The following AGBL1 variants were observed in gnomAD, a reference collection of about 807,000 sequenced individuals.
AGBL1 encodes the protein cytosolic carboxypeptidase 4.
A neutral mutation model predicts 118.9 loss-of-function variants in AGBL1; 130 were observed. That is an observed-to-expected ratio of 1.09 (90% CI 0.95 to 1.26). The LOEUF (loss-of-function observed/expected upper bound fraction) is 1.26. AGBL1 is among the 50% of genes most tolerant of loss of function. AGBL1 has a pLI of 0.00. For missense variants in AGBL1, 1,584 were observed against 1,298.1 expected (o/e 1.22, Z -3.38); for synonymous variants, 555 against 478.9 (o/e 1.16, Z -2.08).
intron 5 of AGBL1, among the ~76,000 whole-genome samples, chr15:86,162,397 C>G (rs2077279416): frequency 6.6e-6 from 1 of 152,182 alleles, no homozygotes; most frequent in African/African-American, 2.4e-5. Context: ...AGATGTGCAG[C>G]TGTCCTCCAA....
intron 18 of AGBL1, among the ~76,000 whole-genome samples, chr15:86,516,027 T>C (rs565491999): frequency 2.6e-4 from 39 of 152,240 alleles, no homozygotes; most frequent in Admixed American, 7.2e-4. Flanking sequence ...AGGTCATAGG[T>C]AGATAAGAGA....
intron 23 of AGBL1, among the ~76,000 whole-genome samples, chr15:86,984,456 G>A (rs778018939): frequency 3.3e-5 from 5 of 150,164 alleles, no homozygotes; most frequent in Middle Eastern, 3.5e-3. Flanking sequence ...CCTCCGCCCC[G>A]CTGGGTTCGA....
intron 17 of AGBL1, among the ~76,000 whole-genome samples, chr15:86,353,556 C>A (rs1380258469): frequency 6.6e-6 from 1 of 152,092 alleles, no homozygotes; most frequent in Admixed American, 6.5e-5. Flanking sequence ...AATTTCTTCA[C>A]ATTTAGAAAG....
intron 18 of AGBL1, among the ~76,000 whole-genome samples, chr15:86,427,179 T>C (rs2081877232): frequency 6.6e-6 from 1 of 152,202 alleles, no homozygotes; most frequent in African/African-American, 2.4e-5. Context: ...GGGTAGACAC[T>C]GCATAAAAGT....
chr15:86,116,462 G>A (rs1348629108), intron 1 of AGBL1: 1 of 152,260 alleles, frequency 6.6e-6, no homozygotes, highest in African/African-American at 2.4e-5. Flanking sequence ...TTCTGGGAGA[G>A]ATGAGCATTG....
At chr15:86,777,283 G>A (rs540269701) in intron 22 of AGBL1, among the ~76,000 whole-genome samples, 55 of 151,624 alleles carry the variant, frequency 3.6e-4, no homozygotes, top group Non-Finnish European at 5.9e-4. Flanking sequence ...TTGACATTTC[G>A]TTAATATTTA....
At chr15:86,483,859 C>T (rs2082682391) in intron 18 of AGBL1, among the ~76,000 whole-genome samples, 1 of 152,068 alleles carries the variant, frequency 6.6e-6, no homozygotes, top group South Asian at 2.1e-4. Flanking sequence ...TAAATGAATC[C>T]CAGCTCATCT....
chr15:86,871,329 C>T (rs1160928941), intron 22 of AGBL1, among the ~76,000 whole-genome samples: 4 of 152,146 alleles, frequency 2.6e-5, no homozygotes, highest in African/African-American at 9.7e-5. Context: ...ACCTGTCAAC[C>T]TGACAACTGT....
intron 19 of AGBL1, among the ~76,000 whole-genome samples, chr15:86,543,977 A>G (rs2083541601): frequency 6.6e-6 from 1 of 152,222 alleles, no homozygotes; most frequent in African/African-American, 2.4e-5. Context: ...TTTTGGGCTG[A>G]GACTGATACT....
intron 21 of AGBL1, among the ~76,000 whole-genome samples, chr15:86,657,152 C>T (rs2085474181): frequency 6.6e-6 from 1 of 152,162 alleles, no homozygotes; most frequent in Non-Finnish European, 1.5e-5. Flanking sequence ...TACCATGCCC[C>T]TTCCACTAAG....
At chr15:86,957,303 T>C (rs1458663246) in intron 23 of AGBL1, among the ~76,000 whole-genome samples, 1 of 152,166 alleles carries the variant, frequency 6.6e-6, no homozygotes, top group African/African-American at 2.4e-5. Flanking sequence ...AGTTCAGCCA[T>C]TTCCTCTATC....
intron 21 of AGBL1, among the ~76,000 whole-genome samples, chr15:86,662,076 A>G (rs998476039): frequency 6.6e-6 from 1 of 151,984 alleles, no homozygotes; most frequent in Non-Finnish European, 1.5e-5. Flanking sequence ...TCTGTGTTTT[A>G]TCCATATCAA....
At chr15:86,161,053 G>A (rs1416507412) in intron 5 of AGBL1, among the ~76,000 whole-genome samples, 3 of 152,196 alleles carry the variant, frequency 2.0e-5, no homozygotes, top group African/African-American at 4.8e-5. Context: ...TTCAGGCACA[G>A]ATCTGATCAA....
chr15:86,898,730 C>A (rs951994730), intron 22 of AGBL1, among the ~76,000 whole-genome samples: 2 of 151,732 alleles, frequency 1.3e-5, no homozygotes, highest in African/African-American at 4.8e-5. Flanking sequence ...GGGCAAAGGA[C>A]GTGAACAGAT....
intron 5 of AGBL1, among the ~76,000 whole-genome samples, chr15:86,215,595 C>T (rs1326442614): frequency 6.6e-6 from 1 of 152,088 alleles, no homozygotes; most frequent in Non-Finnish European, 1.5e-5. Context: ...AGACAGATGC[C>T]CAGTGAAGTT....
chr15:87,009,126 C>T (rs182890207), intron 24 of AGBL1, among the ~76,000 whole-genome samples: 5 of 152,228 alleles, frequency 3.3e-5, no homozygotes, highest in Non-Finnish European at 7.4e-5. Context: ...ATATCAGAGA[C>T]CTCTGCAGCA....
Position 87,025,916 on chromosome 15 carries a change from C to T in AGBL1, c.3324-2909C>T, listed in dbSNP as rs566033155. Among the ~76,000 whole-genome samples, 15 of 152,052 alleles carry T rather than the reference C, an allele frequency of 9.9e-5. No homozygotes were observed. The East Asian group carries it at 2.9e-3, about 29-fold the overall frequency. On this transcript the variant is annotated intron_variant, in intron 24 of 24. Coordinates refer to the AGBL1 transcript ENST00000441037. ...AAAACATAGAGTGGGGAAAGGACAC[C>T]CTTTTCAACAAATGGTGCTGGGATA...
intron 6 of AGBL1, among the ~76,000 whole-genome samples, chr15:86,233,271 A>T (rs1377172055): frequency 6.6e-6 from 1 of 152,238 alleles, no homozygotes; most frequent in Non-Finnish European, 1.5e-5. Context: ...TGCTAGTTTA[A>T]ATCTTACCAA....
chr15:86,146,996 A>G (rs2077041583), intron 3 of AGBL1, among the ~76,000 whole-genome samples: 1 of 152,230 alleles, frequency 6.6e-6, no homozygotes, highest in Non-Finnish European at 1.5e-5. Flanking sequence ...ATTGACAGGT[A>G]TCATAGTGGG....
Sources: gnomAD v4.1 joint callset for allele counts (sites outside exome capture counted in the v4.1 genomes callset) on GRCh38, gnomAD v4.1.1 for gene constraint, MANE v1.5 for transcripts, NCBI Gene and HGNC (gene_info 2026-07-23, HGNC 2026-07-21) for gene names.